MAST4: variants seen among roughly 807,000 people sequenced by gnomAD.
MAST4 encodes microtubule associated serine/threonine kinase family member 4, also known as microtubule-associated serine/threonine-protein kinase 4.
Under a neutral mutation model 162.7 loss-of-function variants are expected in MAST4, and 89 were observed. That is an observed-to-expected ratio of 0.55 (90% CI 0.46 to 0.65). The LOEUF (loss-of-function observed/expected upper bound fraction) is 0.65. Ranked by LOEUF, MAST4 falls within the 30% of genes least tolerant of loss-of-function variation. The probability of loss-of-function intolerance (pLI) is 0.00; values close to 1 mark genes in which losing one functional copy is unlikely to be tolerated. For missense variants in MAST4, 3,153 were observed against 3,374.0 expected, an observed-to-expected ratio of 0.93 and a Z score of 1.62; for synonymous variants, 1,479 against 1,361.1, an observed-to-expected ratio of 1.09 and a Z score of -1.91.
intron 14 of MAST4, among the ~76,000 whole-genome samples, chr5:67,123,953 CA>C (rs35093707): frequency 2.6e-5 from 4 of 152,304 alleles, no homozygotes; most frequent in African/African-American, 9.6e-5. Flanking sequence ...GGCACACACA[CA>C]CCCTCCTTCC....
At chr5:66,683,280 T>C (rs908771318) in intron 1 of MAST4, among the ~76,000 whole-genome samples, 1 of 152,202 alleles carries the variant, frequency 6.6e-6, no homozygotes, top group African/African-American at 2.4e-5. Context: ...AGAATACCAT[T>C]AAGAGCTAAC....
At chr5:66,952,699 A>G (rs1580994198) in intron 4 of MAST4, among the ~76,000 whole-genome samples, 1 of 152,190 alleles carries the variant, frequency 6.6e-6, no homozygotes. Flanking sequence ...TCTGATGTGC[A>G]TTGAATGAGC....
At chr5:67,045,135 A>G (rs894826898) in intron 4 of MAST4, among the ~76,000 whole-genome samples, 10 of 152,374 alleles carry the variant, frequency 6.6e-5, no homozygotes, top group African/African-American at 2.4e-4. Flanking sequence ...CCAGTCATTC[A>G]AAAGTATTTA....
At chr5:66,735,250 A>G (rs1561294530) in intron 1 of MAST4, among the ~76,000 whole-genome samples, 1 of 152,232 alleles carries the variant, frequency 6.6e-6, no homozygotes, top group Non-Finnish European at 1.5e-5. Flanking sequence ...TTTTATATTC[A>G]GAATTAATCA....
In MAST4 at chr5:66,835,954, G is replaced by A. The variant is rs1757938357; in HGVS notation, c.642+47160G>A. Among the ~76,000 whole-genome samples, 3 of 152,082 alleles carry A rather than the reference G, an allele frequency of 2.0e-5. No individual in the cohort carries two copies. The South Asian group carries it at 6.2e-4, about 31-fold the overall frequency. ...GGAGGCCGAGGTGGGCGGATTGCTT[G>A]AGCCCAGAAGTTCGAGATCAGCCTG... is the stretch of plus-strand genomic sequence containing the variant. On this transcript the variant is annotated intron_variant, in intron 3 of 28. Transcript: ENST00000403625.
chr5:67,094,468 C>G (rs146350746), intron 6 of MAST4, among the ~76,000 whole-genome samples: 1 of 152,126 alleles, frequency 6.6e-6, no homozygotes, highest in Non-Finnish European at 1.5e-5. Flanking sequence ...TAATAACAAA[C>G]GTAATAACAC....
chr5:66,721,654 C>T (rs188136787), intron 1 of MAST4, among the ~76,000 whole-genome samples: 13 of 150,272 alleles, frequency 8.7e-5, no homozygotes, highest in South Asian at 2.1e-4. Context: ...TTATAGCTCC[C>T]GAATTTATAT....
intron 1 of MAST4, among the ~76,000 whole-genome samples, chr5:66,703,368 T>C (rs1041666276): frequency 2.6e-5 from 4 of 152,224 alleles, no homozygotes; most frequent in South Asian, 4.1e-4. Flanking sequence ...GACCATCTTA[T>C]ATGTATGCAT....
At chr5:66,904,051 G>C (rs1008914474) in intron 4 of MAST4, among the ~76,000 whole-genome samples, 1 of 152,156 alleles carries the variant, frequency 6.6e-6, no homozygotes, top group African/African-American at 2.4e-5. Flanking sequence ...AATTTGTACT[G>C]TCTGTATTTA....
chr5:66,822,529 C>G (rs1757044243), intron 3 of MAST4, among the ~76,000 whole-genome samples: 1 of 152,120 alleles, frequency 6.6e-6, no homozygotes, highest in African/African-American at 2.4e-5. Flanking sequence ...AAGAGTTGTT[C>G]AAACTCAGAG....
At chr5:66,736,489 C>T (rs1431288917) in intron 1 of MAST4, among the ~76,000 whole-genome samples, 1 of 152,044 alleles carries the variant, frequency 6.6e-6, no homozygotes, top group African/African-American at 2.4e-5. Flanking sequence ...AATGCAAGTT[C>T]TTGGGCAGGG....
intron 4 of MAST4, among the ~76,000 whole-genome samples, chr5:67,049,503 C>A (rs1757903713): frequency 2.0e-5 from 3 of 152,082 alleles, no homozygotes; most frequent in Non-Finnish European, 4.4e-5. Context: ...AAATGTTCAT[C>A]TTCTCTAAAG....
At chr5:66,877,553 G>A (rs1580738350) in intron 3 of MAST4, among the ~76,000 whole-genome samples, 2 of 152,188 alleles carry the variant, frequency 1.3e-5, no homozygotes, top group South Asian at 2.1e-4. Flanking sequence ...CCTGATGGAC[G>A]TACCTAAAGT....
intron 1 of MAST4, among the ~76,000 whole-genome samples, chr5:66,745,837 C>T (rs1752724361): frequency 6.6e-6 from 1 of 152,114 alleles, no homozygotes; most frequent in Admixed American, 6.5e-5. Context: ...AATGTCTAGT[C>T]CATAGTAGAC....
intron 23 of MAST4, among the ~76,000 whole-genome samples, chr5:67,147,556 T>TA (rs1771250206): frequency 6.6e-6 from 1 of 152,202 alleles, no homozygotes; most frequent in Admixed American, 6.5e-5. Flanking sequence ...CCATGAAAAA[T>TA]AAACGTCTTG....
At chr5:66,653,840 C>T (rs1746382325) in intron 1 of MAST4, among the ~76,000 whole-genome samples, 1 of 152,152 alleles carries the variant, frequency 6.6e-6, no homozygotes, top group Non-Finnish European at 1.5e-5. Context: ...TGACAGTGTG[C>T]ATTTTTATCT....
intron 1 of MAST4, among the ~76,000 whole-genome samples, chr5:66,684,723 GAA>G (rs1748534636): frequency 6.6e-6 from 1 of 152,170 alleles, no homozygotes; most frequent in Non-Finnish European, 1.5e-5. Flanking sequence ...AGAGTTCCTG[GAA>G]AGAATAATGC....
chr5:66,608,037 C>A (rs1477440374), intron 1 of MAST4, among the ~76,000 whole-genome samples: 1 of 151,000 alleles, frequency 6.6e-6, no homozygotes, highest in East Asian at 1.9e-4. Flanking sequence ...AAATTATATC[C>A]ATCACCTCAC....
At chr5:67,122,875 C>T (rs1252613482) in intron 14 of MAST4, among the ~76,000 whole-genome samples, 2 of 152,070 alleles carry the variant, frequency 1.3e-5, no homozygotes, top group African/African-American at 4.8e-5. Context: ...CAGTAAACAC[C>T]CAGGATGCAG....
Sources: gnomAD v4.1 joint callset for allele counts (sites outside exome capture counted in the v4.1 genomes callset) on GRCh38, gnomAD v4.1.1 for gene constraint, MANE v1.5 for transcripts, NCBI Gene and HGNC (gene_info 2026-07-23, HGNC 2026-07-21) for gene names.